Variants in TLN2 observed in about 807,000 individuals in gnomAD.
TLN2 encodes talin-2.
TLN2 carries 118 observed loss-of-function variants against 294.7 expected under a neutral mutation model. That is an observed-to-expected ratio of 0.40 (90% CI 0.34 to 0.47). The LOEUF (loss-of-function observed/expected upper bound fraction) is 0.47. Among genes scored for constraint, TLN2 ranks in the 20% least tolerant of loss-of-function variants. The pLI is 0.84. For synonymous variants in TLN2, 1,431 were observed against 1,304.5 expected (o/e 1.10, Z -2.09); for missense variants, 3,083 against 3,282.2 (o/e 0.94, Z 1.48).
chr15:62,584,536 C>G (rs545118362), intron 1 of TLN2, among the ~76,000 whole-genome samples: 1 of 152,230 alleles, frequency 6.6e-6, no homozygotes, highest in Non-Finnish European at 1.5e-5. Flanking sequence ...AACCCCCAGC[C>G]TCTAGCTGGA....
At chr15:62,693,334 A>G (rs1227839456) in intron 13 of TLN2, among the ~76,000 whole-genome samples, 1 of 152,198 alleles carries the variant, frequency 6.6e-6, no homozygotes, top group Admixed American at 6.5e-5. Context: ...TCCATCTCAA[A>G]AAAAAACAAC....
Position 62,838,885 on chromosome 15 carries a change from A to G in TLN2, c.7404A>G (p.Ser2468=). 1 of 1,610,572 alleles carries G rather than the reference A, an allele frequency of 6.2e-7. No homozygotes were observed. The highest frequency in any genetic ancestry group is 8.5e-7 in the Non-Finnish European group (1 of 1,179,976). The change falls in exon 58 of 59, where the codon TCA becomes TCG. Residue 2468 remains serine, a synonymous_variant. Coordinates refer to ENST00000636159, the MANE Select transcript of TLN2 (RefSeq NM_015059.3). The part of the protein sequence containing the change: ...QAAGNAVKRA[S]DNLVRAAQKA... ...CAGGAAATGCTGTGAAAAGAGCCTC[A>G]GACAATCTTGTCCGTGCAGCCCAGA...
In TLN2 at chr15:62,825,845, A is replaced by AT. The variant is rs71131132; in HGVS notation, c.7002+5235_7002+5236insT. ...ATATATTATAATATATAATATATAT[A>AT]AATATATTATATATATATATATTTA... On this transcript the variant is annotated intron_variant, in intron 54 of 58. Coordinates refer to ENST00000636159, the MANE Select transcript of TLN2 (RefSeq NM_015059.3). Among the ~76,000 whole-genome samples, 106 of 76,916 alleles carry AT rather than the reference A, an allele frequency of 1.4e-3. 2 individuals carry two copies. The highest frequency in any genetic ancestry group is 7.1e-3 in the African/African-American group (96 of 13,470). 50.5% of individuals were successfully genotyped at this position (76,916 alleles called of 152,430 possible).
intron 2 of TLN2, among the ~76,000 whole-genome samples, chr15:62,599,015 C>G (rs1376132163): frequency 6.6e-6 from 1 of 152,134 alleles, no homozygotes; most frequent in Middle Eastern, 3.2e-3. Flanking sequence ...CCTGGAATAG[C>G]ACATTGAGGA....
At chr15:62,726,855 C>T (rs1015330481) in intron 27 of TLN2, among the ~76,000 whole-genome samples, 1 of 152,132 alleles carries the variant, frequency 6.6e-6, no homozygotes, top group Non-Finnish European at 1.5e-5. Context: ...TTTACTCAGT[C>T]TCATGCTAGT....
chr15:62,664,767 A>G, intron 9 of TLN2, among the ~76,000 whole-genome samples: 1 of 141,414 alleles, frequency 7.1e-6, no homozygotes, highest in Non-Finnish European at 1.5e-5. Context: ...CTGAGGCACG[A>G]GAATCACTTG....
chr15:62,401,309 A>C (rs754770124), intron 1 of TLN2, among the ~76,000 whole-genome samples: 17 of 152,040 alleles, frequency 1.1e-4, no homozygotes, highest in Non-Finnish European at 1.8e-4. Flanking sequence ...TTATTTTTAG[A>C]GACAGGGTCT....
At chr15:62,818,505 C>T (rs2067294872) in intron 52 of TLN2, among the ~76,000 whole-genome samples, 1 of 152,174 alleles carries the variant, frequency 6.6e-6, no homozygotes, top group African/African-American at 2.4e-5. Flanking sequence ...GAGAAGAAAT[C>T]AGCTGGGGAT....
At chr15:62,534,243 C>T (rs1004830772) in intron 1 of TLN2, among the ~76,000 whole-genome samples, 1 of 152,116 alleles carries the variant, frequency 6.6e-6, no homozygotes, top group African/African-American at 2.4e-5. Flanking sequence ...TTTGACACTA[C>T]CTAAAGATAG....
At chr15:62,535,722 A>C (rs1300857086) in intron 1 of TLN2, among the ~76,000 whole-genome samples, 1 of 151,986 alleles carries the variant, frequency 6.6e-6, no homozygotes, top group African/African-American at 2.4e-5. Context: ...CGCCCGGCTA[A>C]TTTTTGTAAT....
At chr15:62,645,609 C>T (rs1219021658) in intron 3 of TLN2, among the ~76,000 whole-genome samples, 1 of 152,188 alleles carries the variant, frequency 6.6e-6, no homozygotes, top group African/African-American at 2.4e-5. Context: ...TGCTGAGAAG[C>T]TGAGACCCTG....
intron 1 of TLN2, among the ~76,000 whole-genome samples, chr15:62,407,641 G>A (rs955374): frequency 0.12 from 18,153 of 152,148 alleles, 1,131 homozygotes; most frequent in Middle Eastern, 0.16. Flanking sequence ...ACTGGGCTGG[G>A]CGCAATGGCT....
chr15:62,741,464 A>G (rs1243989878), intron 32 of TLN2, among the ~76,000 whole-genome samples: 1 of 152,150 alleles, frequency 6.6e-6, no homozygotes, highest in Non-Finnish European at 1.5e-5. Flanking sequence ...GGAGCACTGC[A>G]GTGACAGCCC....
intron 1 of TLN2, among the ~76,000 whole-genome samples, chr15:62,478,574 C>T (rs1362002067): frequency 6.6e-6 from 1 of 152,136 alleles, no homozygotes; most frequent in Non-Finnish European, 1.5e-5. Flanking sequence ...TCAACCGGAA[C>T]AGCTCTCCAG....
At chr15:62,545,238 G>A (rs2041926168) in intron 1 of TLN2, among the ~76,000 whole-genome samples, 1 of 152,048 alleles carries the variant, frequency 6.6e-6, no homozygotes, top group Non-Finnish European at 1.5e-5. Context: ...GCACCCGGCT[G>A]TTATGCTTTT....
chr15:62,794,898 C>T lies in TLN2; in HGVS notation c.5884-1229C>T, dbSNP rs147975641. Among the ~76,000 whole-genome samples the T allele has an allele frequency of 1.8e-4, 27 of 152,282 alleles. No individual in the cohort carries two copies. In the East Asian group the frequency reaches 5.0e-3, roughly 28 times the overall value. ...TGTTTGAAGAAATCTACCTACGAAA[C>T]GTTGTCAGATTCTTCTTTGGGTCGT... is the stretch of plus-strand genomic sequence containing the variant. On this transcript the variant is annotated intron_variant, in intron 46 of 58. Coordinates refer to ENST00000636159, the MANE Select transcript of TLN2 (RefSeq NM_015059.3).
chr15:62,421,366 G>A (rs1017157752), intron 1 of TLN2, among the ~76,000 whole-genome samples: 2 of 151,944 alleles, frequency 1.3e-5, no homozygotes, highest in Non-Finnish European at 2.9e-5. Flanking sequence ...CATAGAGAGG[G>A]GTGTAAAATG....
chr15:62,836,689 C>T (rs1250890226), intron 57 of TLN2, among the ~76,000 whole-genome samples: 1 of 150,926 alleles, frequency 6.6e-6, no homozygotes, highest in Non-Finnish European at 1.5e-5. Context: ...ATACATTTTC[C>T]TGATTGCTTT....
intron 1 of TLN2, among the ~76,000 whole-genome samples, chr15:62,557,380 A>G (rs1204921251): frequency 1.3e-5 from 2 of 152,206 alleles, no homozygotes; most frequent in East Asian, 1.9e-4. Flanking sequence ...GATGTCACGT[A>G]CCAAATATAA....
Sources: gnomAD v4.1 joint callset for allele counts (sites outside exome capture counted in the v4.1 genomes callset) on GRCh38, gnomAD v4.1.1 for gene constraint, MANE v1.5 for transcripts, NCBI Gene and HGNC (gene_info 2026-07-23, HGNC 2026-07-21) for gene names.